The following SENP8 variants were observed in gnomAD, a reference collection of about 807,000 sequenced individuals.
The protein encoded by SENP8 is SUMO peptidase family member, NEDD8 specific.
In SENP8, 10 loss-of-function variants were observed where a neutral mutation model predicts 14.4. The ratio of observed to expected loss-of-function variants is 0.69; its 90% CI spans 0.43 to 1.18. SENP8 has a LOEUF of 1.18. SENP8 is among the 50% of genes most tolerant of loss of function. The probability of loss-of-function intolerance (pLI) is 0.00; values close to 1 mark genes in which losing one functional copy is unlikely to be tolerated. For missense variants in SENP8, 202 were observed against 249.4 expected, an observed-to-expected ratio of 0.81 and a Z score of 1.28; for synonymous variants, 94 against 95.5, an observed-to-expected ratio of 0.98 and a Z score of 0.09.
chr15:72,124,069 G>T (rs1041393163), intron 1 of SENP8, among the ~76,000 whole-genome samples: 4 of 152,184 alleles, frequency 2.6e-5, no homozygotes, highest in Non-Finnish European at 4.4e-5. Context: ...CACCAAGTAG[G>T]TTTTGTACTT....
chr15:72,139,612 C>G lies in SENP8; in HGVS notation c.-12C>G. The G allele has an allele frequency of 6.2e-7, 1 of 1,606,416 alleles. No individual in the cohort carries two copies. Among genetic ancestry groups the G allele is most frequent in the Non-Finnish European group, 8.5e-7 (1 of 1,175,098 alleles). ...GCTTCTGGAATTTCTGAGCAGCCCT[C>G]GTCAGTACAAGATGGACCCCGTAGT... On this transcript the variant is annotated 5_prime_UTR_variant, in exon 2 of 2. Transcript: ENST00000340912.
At chr15:72,131,490 T>G (rs1489316910) in intron 1 of SENP8, among the ~76,000 whole-genome samples, 1 of 152,216 alleles carries the variant, frequency 6.6e-6, no homozygotes, top group African/African-American at 2.4e-5. Context: ...CAAGTTGGTT[T>G]TTATTACTTT....
At chr15:72,117,808 G>A (rs1460268160), upstream of SENP8, 7 of 398,450 alleles carry the variant, frequency 1.8e-5, no homozygotes, top group East Asian at 7.1e-5. Flanking sequence ...GACGGTTCCG[G>A]GAGGGTGGGC....
intron 1 of SENP8, among the ~76,000 whole-genome samples, chr15:72,131,464 T>C (rs2081273034): frequency 6.6e-6 from 1 of 152,236 alleles, no homozygotes; most frequent in Non-Finnish European, 1.5e-5. Context: ...TCCTATTGAA[T>C]TGTGAATTTT....
At chr15:72,115,596 T>C (rs1162337307), upstream of SENP8, among the ~76,000 whole-genome samples, 1 of 152,242 alleles carries the variant, frequency 6.6e-6, no homozygotes, top group Non-Finnish European at 1.5e-5. Flanking sequence ...CTAATATTCC[T>C]GGCCTTTAGT....
intron 1 of SENP8, among the ~76,000 whole-genome samples, chr15:72,138,270 T>G (rs1596659204): frequency 6.6e-6 from 1 of 152,264 alleles, no homozygotes; most frequent in Non-Finnish European, 1.5e-5. Context: ...CTAGAATTTC[T>G]TATAGTTACA....
At chr15:72,129,718 C>G (rs1394777641) in intron 1 of SENP8, among the ~76,000 whole-genome samples, 1 of 150,842 alleles carries the variant, frequency 6.6e-6, no homozygotes, top group Non-Finnish European at 1.5e-5. Context: ...TGGGAGGCAC[C>G]TGTGGTCCCA....
intron 1 of SENP8, among the ~76,000 whole-genome samples, chr15:72,133,733 T>C (rs1390043954): frequency 1.3e-5 from 2 of 152,238 alleles, no homozygotes; most frequent in East Asian, 1.9e-4. Context: ...TAATGGTATA[T>C]GCAGTACGTG....
chr15:72,123,407 G>T (rs1019304272), intron 1 of SENP8, among the ~76,000 whole-genome samples: 13 of 152,038 alleles, frequency 8.6e-5, no homozygotes, highest in Non-Finnish European at 1.0e-4. Context: ...CTCACTCCTA[G>T]TCATTTCAAA....
At position 72,139,773 on chromosome 15, in the gene SENP8, C is replaced by T. The variant is rs1391997363; in HGVS notation, c.150C>T (p.His50=). ...GTCAGTTTCATGACTGCTCTGATCA[C>T]GTCAGTTTCATCAGCCCTGAAGTCA... is the stretch of plus-strand genomic sequence containing the variant. ...ANSQFHDCSD[H]VSFISPEVTQ... is the part of the protein sequence containing the mutation. The change falls in exon 2 of 2, where the codon CAC becomes CAT. Residue 50 remains histidine (H), a synonymous_variant. Transcript: ENST00000340912. 3.7e-6 allele frequency: 6 copies of T among 1,614,106 alleles called. No individual in the cohort carries two copies. Among genetic ancestry groups the T allele is most frequent in the Middle Eastern group, 1.6e-4 (1 of 6,062 alleles).
At chr15:72,122,166 T>C (rs1436843662) in intron 1 of SENP8, among the ~76,000 whole-genome samples, 3 of 151,780 alleles carry the variant, frequency 2.0e-5, no homozygotes, top group Middle Eastern at 3.4e-3. Flanking sequence ...TGGGAGGTCC[T>C]CAAGGCCCAG....
intron 1 of SENP8, among the ~76,000 whole-genome samples, chr15:72,134,271 A>C (rs1596652179): frequency 2.0e-5 from 3 of 152,186 alleles, no homozygotes; most frequent in Non-Finnish European, 2.9e-5. Context: ...CACATGATAA[A>C]GGTCATATAT....
chr15:72,126,811 T>G (rs1314176141), intron 1 of SENP8, among the ~76,000 whole-genome samples: 1 of 152,180 alleles, frequency 6.6e-6, no homozygotes, highest in East Asian at 1.9e-4. Context: ...TTGTAAAGAC[T>G]CCATCATCAT....
intron 1 of SENP8, among the ~76,000 whole-genome samples, chr15:72,129,596 C>G (rs535886253): frequency 1.4e-5 from 2 of 145,722 alleles, no homozygotes; most frequent in African/African-American, 5.1e-5. Flanking sequence ...AGGCTGGTGT[C>G]AAACTCCTGA....
At chr15:72,124,355 A>G (rs1180045889) in intron 1 of SENP8, among the ~76,000 whole-genome samples, 1 of 152,196 alleles carries the variant, frequency 6.6e-6, no homozygotes, top group African/African-American at 2.4e-5. Context: ...TCATTCTTAC[A>G]TGCCACATTA....
At chr15:72,118,032 CAACA>C (rs993216699), upstream of SENP8, 48 of 396,778 alleles carry the variant, frequency 1.2e-4, no homozygotes, top group Non-Finnish European at 1.7e-4. Flanking sequence ...TGTACTCTCT[CAACA>C]GACACAGCCA....
In SENP8 at chr15:72,140,302, C is replaced by T; in HGVS notation, c.*40C>T. On this transcript the variant is annotated 3_prime_UTR_variant, in exon 2 of 2. Coordinates refer to ENST00000340912, the MANE Select transcript of SENP8 (RefSeq NM_145204.4). The stretch of plus-strand genomic sequence containing the variant: ...TTGCGACTTTTGAAGGCTCCTCTTT[C>T]TGCCCTTCCCCATTTGTTGGATGGC... 7.0e-7 allele frequency: 1 copy of T among 1,431,824 alleles called. No homozygotes were observed. The highest frequency in any genetic ancestry group is 9.8e-7 in the Non-Finnish European group (1 of 1,023,834). 88.7% of individuals were successfully genotyped at this position (1,431,824 alleles called of 1,614,324 possible). A position where few individuals can be genotyped will look rare whatever the true frequency, so the allele number is the denominator to read the frequency against.
At chr15:72,130,195 G>GA (rs200296119) in intron 1 of SENP8, among the ~76,000 whole-genome samples, 249 of 151,948 alleles carry the variant, frequency 1.6e-3, no homozygotes, top group East Asian at 8.7e-3. Flanking sequence ...CATCTCAAAA[G>GA]AAAAAAGAAA....
intron 1 of SENP8, among the ~76,000 whole-genome samples, chr15:72,121,232 G>T (rs1019468617): frequency 6.6e-6 from 1 of 152,076 alleles, no homozygotes; most frequent in African/African-American, 2.4e-5. Context: ...AGGTAGATTG[G>T]GGCTATTTTT....
Sources: allele counts gnomAD v4.1 joint callset (sites outside exome capture counted in the v4.1 genomes callset), GRCh38; gene constraint gnomAD v4.1.1; transcripts MANE v1.5; gene names NCBI Gene and HGNC (gene_info 2026-07-23, HGNC 2026-07-21).